The following SH3D19 variants were observed in gnomAD, a reference collection of about 807,000 sequenced individuals.
SH3D19 encodes the protein SH3 domain-containing protein 19.
A neutral mutation model predicts 112.1 loss-of-function variants in SH3D19; 58 were observed. That is an observed-to-expected ratio of 0.52 (90% CI 0.42 to 0.64). The LOEUF (loss-of-function observed/expected upper bound fraction) is 0.64, where lower values mean the gene tolerates loss of function less well. SH3D19 is among the 30% of genes least tolerant of loss of function. SH3D19 has a pLI of 0.00. For missense variants in SH3D19, 1,090 were observed against 1,263.4 expected (o/e 0.86, Z 2.08); for synonymous variants, 391 against 448.5 (o/e 0.87, Z 1.62).
chr4:151,317,306 G>T (rs1039987283), intron 1 of SH3D19, among the ~76,000 whole-genome samples: 1 of 152,188 alleles, frequency 6.6e-6, no homozygotes. Flanking sequence ...AAAGTTGGAA[G>T]CCTCATCCTT....
At chr4:151,300,688 T>C (rs1410739281) in intron 1 of SH3D19, 1 of 151,664 alleles carries the variant, frequency 6.6e-6, no homozygotes, top group Non-Finnish European at 1.5e-5. Context: ...CACTGAAATG[T>C]TTTAATTCAG....
Position 151,144,038 on chromosome 4 carries a change from G to A in SH3D19, c.2095C>T (p.Leu699Phe), listed in dbSNP as rs145726735. 108 of 1,613,714 alleles carry A rather than the reference G, an allele frequency of 6.7e-5. No homozygotes were observed. The highest frequency in any genetic ancestry group is 8.8e-5 in the Non-Finnish European group (104 of 1,179,926). Residue 699 changes from leucine (L) to phenylalanine (F), a missense_variant, in exon 12 of 20, where the codon CTT becomes TTT. Physicochemically the swap from Leu to Phe is conservative, Grantham distance 22. Coordinates refer to ENST00000604030, the MANE Select transcript of SH3D19 (RefSeq NM_001378122.1). ...LYSKYMRGDV[L>F]VMLKQTENNY... ...TTTTCCGTCTGCTTCAGCATCACAA[G>A]TACATCCCCACGCTGCAAGGTACAA...
intron 1 of SH3D19, among the ~76,000 whole-genome samples, chr4:151,311,415 A>C (rs922674874): frequency 2.0e-5 from 3 of 151,922 alleles, no homozygotes; most frequent in African/African-American, 7.3e-5. Flanking sequence ...AAGAAGGAGG[A>C]AATCCTGCCA....
At chr4:151,136,244 C>A (rs1159516776) in intron 14 of SH3D19, among the ~76,000 whole-genome samples, 1 of 152,164 alleles carries the variant, frequency 6.6e-6, no homozygotes, top group Non-Finnish European at 1.5e-5. Context: ...CCCTCCCATG[C>A]TCACACCATC....
chr4:151,283,193 T>A, intron 1 of SH3D19: 1 of 1,613,856 alleles, frequency 6.2e-7, no homozygotes, highest in Non-Finnish European at 8.5e-7. Flanking sequence ...AGCTCTACAA[T>A]CCCATCGGTA....
At chr4:151,280,214 T>C (rs1231431565) in intron 1 of SH3D19, among the ~76,000 whole-genome samples, 1 of 87,950 alleles carries the variant, frequency 1.1e-5, no homozygotes, top group Non-Finnish European at 3.3e-5. Flanking sequence ...GTCAGGAGAT[T>C]TTTGTCGTGT....
chr4:151,153,138 TA>T (rs1755386990), intron 9 of SH3D19, among the ~76,000 whole-genome samples: 1 of 151,876 alleles, frequency 6.6e-6, no homozygotes, highest in Non-Finnish European at 1.5e-5. Flanking sequence ...CCAGCTGCTA[TA>T]TTTTTTTAAA....
In SH3D19 at chr4:151,325,293, A is replaced by G. The variant is rs561489591; in HGVS notation, c.60T>C (p.Leu20=). Residue 20 remains leucine (L), a synonymous_variant, in exon 1 of 20, where the codon CTT becomes CTC. Coordinates refer to ENST00000604030, the MANE Select transcript of SH3D19 (RefSeq NM_001378122.1). ...EEEELRERRE[L]GGQRRARGRA... ...GGCCCCGGGCGCGGCGCTGGCCACCAAGTTCGCGGCGCTCGCGTAGCTCTT... is the reference window on the plus strand; with the variant it reads ...GGCCCCGGGCGCGGCGCTGGCCACCGAGTTCGCGGCGCTCGCGTAGCTCTT... 495 of 1,220,638 alleles carry G rather than the reference A, an allele frequency of 4.1e-4. 1 individual carries two copies. The African/African-American group carries it at 7.4e-3, about 18-fold the overall frequency. 75.6% of individuals were successfully genotyped at this position (1,220,638 alleles called of 1,614,324 possible).
At chr4:151,286,175 T>A (rs1278540474) in intron 1 of SH3D19, among the ~76,000 whole-genome samples, 3 of 108,612 alleles carry the variant, frequency 2.8e-5, no homozygotes, top group African/African-American at 1.1e-4. Flanking sequence ...AGTGAGACCC[T>A]GTCTTAAAGA....
chr4:151,255,814 T>TCC (rs1771852654), intron 1 of SH3D19, among the ~76,000 whole-genome samples: 1 of 152,196 alleles, frequency 6.6e-6, no homozygotes, highest in South Asian at 2.1e-4. Flanking sequence ...CACTTGCGGT[T>TCC]AGGGGCTGGA....
rs148750298 is a variant in SH3D19, at chr4:151,174,713, C to T, written c.1491G>A (p.Ser497=). ...SFDDDVLPTP[S]GNLAEESVGS... ...CAACAGATTCTTCAGCCAGGTTCCC[C>T]GATGGGGTGGGCAAAACATCATCAT... Residue 497 remains serine, a synonymous_variant, in exon 7 of 20, where the codon TCG becomes TCA. Coordinates refer to ENST00000604030, the MANE Select transcript of SH3D19 (RefSeq NM_001378122.1). The T allele has an allele frequency of 1.4e-4, 214 of 1,514,842 alleles. No individual in the cohort carries two copies. Among genetic ancestry groups the T allele is most frequent in the Non-Finnish European group, 1.8e-4 (203 of 1,133,542 alleles). 93.8% of individuals were successfully genotyped at this position (1,514,842 alleles called of 1,614,324 possible).
chr4:151,198,352 A>T (rs1432036657), intron 2 of SH3D19, among the ~76,000 whole-genome samples: 10 of 138,910 alleles, frequency 7.2e-5, no homozygotes, highest in Non-Finnish European at 1.2e-4. Context: ...TATTATATAA[A>T]ATATAAAATT....
intron 2 of SH3D19, among the ~76,000 whole-genome samples, chr4:151,189,474 A>G (rs1354753318): frequency 6.6e-6 from 1 of 152,114 alleles, no homozygotes; most frequent in Non-Finnish European, 1.5e-5. Flanking sequence ...CCCAAATTTC[A>G]TCGTGAATTG....
chr4:151,225,985 C>T, intron 2 of SH3D19, 62 bp downstream of exon 2: 1 of 1,140,068 alleles, frequency 8.8e-7, no homozygotes, highest in Non-Finnish European at 1.1e-6. Flanking sequence ...TACATTGCTT[C>T]CAAACAATAC....
intron 1 of SH3D19, among the ~76,000 whole-genome samples, chr4:151,274,202 A>G (rs921218571): frequency 2.0e-5 from 3 of 152,268 alleles, no homozygotes; most frequent in Non-Finnish European, 2.9e-5. Flanking sequence ...GTAAAAATTC[A>G]TGGTGTTGCA....
Position 151,165,534 on chromosome 4 carries a change from T to C in SH3D19, c.1642+55A>G, listed in dbSNP as rs930781175. 1.3e-4 allele frequency: 175 copies of C among 1,332,436 alleles called. No homozygotes were observed. The Admixed American group carries it at 2.9e-3, about 22-fold the overall frequency. The allele number at this position is 1,332,436 out of a possible 1,614,324, so 82.5% of individuals were successfully genotyped here. A position where few individuals can be genotyped will look rare whatever the true frequency, so the allele number is the denominator to read the frequency against. The stretch of plus-strand genomic sequence containing the variant: ...AAAAGCAGACATTGATAAATTAGCA[T>C]ATATTTCTCCCAGCCTCTTGAAGAA... On this transcript the variant is annotated intron_variant, in intron 8 of 19. Transcript: ENST00000604030.
intron 9 of SH3D19, among the ~76,000 whole-genome samples, chr4:151,153,324 T>G (rs1755434927): frequency 1.3e-5 from 2 of 152,094 alleles, no homozygotes; most frequent in Non-Finnish European, 1.5e-5. Context: ...CTCGGCTCAC[T>G]GCAACCTCCA....
chr4:151,321,509 T>G (rs983898066), intron 1 of SH3D19, among the ~76,000 whole-genome samples: 1 of 152,130 alleles, frequency 6.6e-6, no homozygotes, highest in African/African-American at 2.4e-5. Flanking sequence ...AAATCAACCA[T>G]GAAATCCTTT....
intron 1 of SH3D19, among the ~76,000 whole-genome samples, chr4:151,314,263 T>C (rs1729776066): frequency 6.6e-6 from 1 of 152,164 alleles, no homozygotes; most frequent in Non-Finnish European, 1.5e-5. Flanking sequence ...CTGAATGAAG[T>C]TGGCACTAGG....
Sources: allele counts gnomAD v4.1 joint callset (sites outside exome capture counted in the v4.1 genomes callset), GRCh38; gene constraint gnomAD v4.1.1; transcripts MANE v1.5; gene names NCBI Gene and HGNC (gene_info 2026-07-23, HGNC 2026-07-21).